MATR3: variants seen among roughly 807,000 people sequenced by gnomAD.
MATR3 encodes matrin-3.
MATR3 carries 4 observed loss-of-function variants against 85.5 expected under a neutral mutation model. That is an observed-to-expected ratio of 0.05 (90% CI 0.02 to 0.11). The LOEUF (loss-of-function observed/expected upper bound fraction) is 0.11. Ranked by LOEUF, MATR3 falls within the 10% of genes least tolerant of loss-of-function variation. The pLI is 1.00. For synonymous variants in MATR3, 336 were observed against 343.1 expected (o/e 0.98, Z 0.23); for missense variants, 685 against 1,016.1 (o/e 0.67, Z 4.43).
rs766117433 is a variant in MATR3 at position 139,294,029 on chromosome 5, G to T, written c.-178+224G>T. On this transcript the variant is annotated intron_variant, in intron 1 of 14. Coordinates refer to ENST00000394805, the MANE Select transcript of MATR3 (RefSeq NM_018834.6). Reference sequence around the variant, plus strand: ...CAACCAGCCTTCTAGGGCGGCGGAGGTGAGCGGTCCGGGAGGGAAACACGC... The same window carrying T: ...CAACCAGCCTTCTAGGGCGGCGGAGTTGAGCGGTCCGGGAGGGAAACACGC... 102 of 1,279,254 alleles carry T rather than the reference G, an allele frequency of 8.0e-5. No individual in the cohort carries two copies. The highest frequency in any genetic ancestry group is 9.5e-5 in the Non-Finnish European group (96 of 1,007,892). The allele number at this position is 1,279,254 out of a possible 1,614,324, so 79.2% of individuals were successfully genotyped here. A position where few individuals can be genotyped will look rare whatever the true frequency, so the allele number is the denominator to read the frequency against.
chr5:139,284,428 C>T (rs1442081240), intron 3 of MATR3, among the ~76,000 whole-genome samples: 2 of 151,966 alleles, frequency 1.3e-5, no homozygotes, highest in African/African-American at 4.8e-5. Context: ...ATGGTGAAAC[C>T]CCGTCTCTAC....
intron 12 of MATR3, 140 bp from the exon 13 acceptor site, chr5:139,325,300 G>C (rs770017267): frequency 6.4e-7 from 1 of 1,556,842 alleles, no homozygotes; most frequent in South Asian, 1.2e-5. Flanking sequence ...TAACAGCGTC[G>C]TTTTCCAGGG....
chr5:139,288,014 C>G (rs970678506), intron 3 of MATR3, among the ~76,000 whole-genome samples: 2 of 152,066 alleles, frequency 1.3e-5, no homozygotes, highest in African/African-American at 4.8e-5. Flanking sequence ...AGTTCGACAC[C>G]AGCCTAGGCA....
At chr5:139,304,613 G>A (rs778885021) in intron 1 of MATR3, among the ~76,000 whole-genome samples, 1 of 152,082 alleles carries the variant, frequency 6.6e-6, no homozygotes, top group African/African-American at 2.4e-5. Flanking sequence ...TTCTTTTTTG[G>A]AAGTGAAGGG....
At chr5:139,302,846 T>A (rs192029313) in intron 1 of MATR3, among the ~76,000 whole-genome samples, 1 of 152,332 alleles carries the variant, frequency 6.6e-6, no homozygotes, top group East Asian at 1.9e-4. Context: ...TGATAGAACA[T>A]TTGGAAAATC....
intron 3 of MATR3, 197 bp from the exon 4 acceptor site, chr5:139,315,500 T>G: frequency 1.9e-6 from 1 of 536,464 alleles, no homozygotes; most frequent in Non-Finnish European, 3.4e-6. Context: ...CAAAACAAGT[T>G]TATTCTCGTG....
chr5:139,316,389 G>T (rs956330039), intron 5 of MATR3, among the ~76,000 whole-genome samples: 1 of 151,832 alleles, frequency 6.6e-6, no homozygotes, highest in Admixed American at 6.6e-5. Flanking sequence ...GGGATTACAG[G>T]TGCCCACCAC....
intron 3 of MATR3, chr5:139,283,315 C>A (rs547333742): frequency 6.6e-6 from 1 of 152,348 alleles, no homozygotes; most frequent in African/African-American, 2.4e-5. Context: ...AGTATTAATT[C>A]TCCTGGAGAG....
In MATR3 at chr5:139,329,518, G is replaced by T; in HGVS notation, c.*123G>T. On this transcript the variant is annotated 3_prime_UTR_variant, in exon 15 of 15. Transcript: ENST00000394805. ...TATTGTACTCTTTTGTTTTAGTGGA[G>T]AAATAATAGATGTCTGTTCATGTGT... 1 of 791,900 alleles carries T rather than the reference G, an allele frequency of 1.3e-6. No individual in the cohort carries two copies. Among genetic ancestry groups the T allele is most frequent in the African/African-American group, 1.7e-5 (1 of 58,418 alleles). The allele number at this position is 791,900 out of a possible 1,614,324, so 49.1% of individuals were successfully genotyped here. A position where few individuals can be genotyped will look rare whatever the true frequency, so the allele number is the denominator to read the frequency against.
intron 3 of MATR3, among the ~76,000 whole-genome samples, chr5:139,283,830 A>G (rs1368920450): frequency 1.3e-5 from 2 of 152,160 alleles, no homozygotes; most frequent in African/African-American, 4.8e-5. Context: ...GGTTTCTTTC[A>G]GTCCTTAATT....
intron 9 of MATR3, among the ~76,000 whole-genome samples, chr5:139,320,875 G>A (rs1191762126): frequency 1.4e-5 from 2 of 147,030 alleles, no homozygotes; most frequent in Non-Finnish European, 3.0e-5. Flanking sequence ...AGCTTCCCCA[G>A]TAGCTGGGAC....
rs746089225 is a variant in MATR3 at position 139,325,565 on chromosome 5, A to G, written c.2274A>G (p.Thr758=). Residue 758 remains threonine (T), a synonymous_variant, in exon 13 of 15, where the codon ACA becomes ACG. Coordinates refer to ENST00000394805, the MANE Select transcript of MATR3 (RefSeq NM_018834.6). ...ACGCTGATGATCCCAACAAAGATAC[A>G]AGTGAAAACGCAGATGGTCAAAGTG... ...SENADDPNKD[T]SENADGQSDE... is the part of the protein sequence containing the mutation. 7 of 1,614,080 alleles carry G rather than the reference A, an allele frequency of 4.3e-6. No homozygotes were observed. In the East Asian group the frequency reaches 1.6e-4, roughly 36 times the overall value.
chr5:139,281,635 A>G (rs1299768834), intron 3 of MATR3, among the ~76,000 whole-genome samples: 1 of 152,014 alleles, frequency 6.6e-6, no homozygotes, highest in Non-Finnish European at 1.5e-5. Context: ...TACAGGTGTG[A>G]GCTACCACAC....
intron 2 of MATR3, chr5:139,313,322 T>G (rs1755085858): frequency 9.1e-6 from 1 of 109,980 alleles, no homozygotes. Context: ...AGTGTAATAA[T>G]AGTTCTTTTT....
intron 9 of MATR3, among the ~76,000 whole-genome samples, chr5:139,321,317 T>C (rs956265408): frequency 1.3e-5 from 2 of 152,124 alleles, no homozygotes; most frequent in African/African-American, 4.8e-5. Context: ...CAGGCCCAGC[T>C]GATTTTTGCA....
rs976326663 is a variant in MATR3, at chr5:139,319,605, T to C, written c.1602+104T>C. Reference sequence around the variant, plus strand: ...TCCTCAACCTGTAATCCCAGCAGTTTGGGAGGCCAAGGCAGGCAAATCACC... The same window carrying C: ...TCCTCAACCTGTAATCCCAGCAGTTCGGGAGGCCAAGGCAGGCAAATCACC... On this transcript the variant is annotated intron_variant, in intron 9 of 14. Coordinates refer to ENST00000394805, the MANE Select transcript of MATR3 (RefSeq NM_018834.6). The C allele has an allele frequency of 1.5e-5, 16 of 1,092,726 alleles. No homozygotes were observed. The African/African-American group carries it at 2.5e-4, about 17-fold the overall frequency. The allele number at this position is 1,092,726 out of a possible 1,614,324, so 67.7% of individuals were successfully genotyped here. A position where few individuals can be genotyped will look rare whatever the true frequency, so the allele number is the denominator to read the frequency against.
At chr5:139,325,974 C>T (rs1444125662) in intron 13 of MATR3, among the ~76,000 whole-genome samples, 189 bp from the exon 14 acceptor site, 1 of 152,004 alleles carries the variant, frequency 6.6e-6, no homozygotes, top group Non-Finnish European at 1.5e-5. Flanking sequence ...TTTAAGAATA[C>T]AGTTAGGTGA....
At chr5:139,291,213 T>C (rs1173223923), upstream of MATR3, among the ~76,000 whole-genome samples, 3 of 152,232 alleles carry the variant, frequency 2.0e-5, no homozygotes, top group Non-Finnish European at 4.4e-5. Flanking sequence ...GGATGCTTTA[T>C]TCCCTTCACC....
At chr5:139,302,388 C>T (rs1162347642) in intron 1 of MATR3, among the ~76,000 whole-genome samples, 1 of 152,096 alleles carries the variant, frequency 6.6e-6, no homozygotes, top group Non-Finnish European at 1.5e-5. Context: ...AAATGTAGTT[C>T]TTCAGCATAC....
Sources: gnomAD v4.1 joint callset for allele counts (sites outside exome capture counted in the v4.1 genomes callset) on GRCh38, gnomAD v4.1.1 for gene constraint, MANE v1.5 for transcripts, NCBI Gene and HGNC (gene_info 2026-07-23, HGNC 2026-07-21) for gene names.